The following AK8 variants were observed in gnomAD, a reference collection of about 807,000 sequenced individuals.
AK8 encodes ATP-AMP transphosphorylase 8.
A neutral mutation model predicts 54.6 loss-of-function variants in AK8; 44 were observed. That is an observed-to-expected ratio of 0.81 (90% CI 0.63 to 1.04). The LOEUF is 1.04. AK8 is among the 50% of genes least tolerant of loss of function. AK8 has a pLI of 0.00. For missense variants in AK8, 555 were observed against 613.6 expected (o/e 0.90, Z 1.01); for synonymous variants, 239 against 245.6 (o/e 0.97, Z 0.25).
intron 6 of AK8, among the ~76,000 whole-genome samples, 197 bp downstream of exon 6, chr9:132,828,448 G>A (rs936926829): frequency 2.0e-5 from 3 of 152,220 alleles, no homozygotes; most frequent in African/African-American, 7.2e-5. Flanking sequence ...GGCTGAAAAC[G>A]AAACCCCACT....
intron 10 of AK8, among the ~76,000 whole-genome samples, chr9:132,794,996 T>C (rs947650932): frequency 1.3e-5 from 2 of 152,134 alleles, no homozygotes; most frequent in African/African-American, 4.8e-5. Flanking sequence ...ATTCAGGAGA[T>C]GTGTGTGGGG....
At chr9:132,728,867 CT>C (rs1452404829) in intron 11 of AK8, among the ~76,000 whole-genome samples, 23 of 151,838 alleles carry the variant, frequency 1.5e-4, no homozygotes, top group African/African-American at 5.6e-4. Context: ...CCCCACCCCC[CT>C]TTTTAGGGCA....
At chr9:132,878,620 C>CG (rs1023538395), upstream of AK8, 7 of 1,064,014 alleles carry the variant, frequency 6.6e-6, no homozygotes, top group African/African-American at 8.4e-5. The surrounding 1 kb of genome is among the most constrained non-coding windows in gnomAD (Gnocchi z 4.7). Context: ...CAGTGCTCCC[C>CG]GGCCCGGCTC....
At chr9:132,769,666 C>T (rs537123066) in intron 11 of AK8, 1 of 152,284 alleles carries the variant, frequency 6.6e-6, no homozygotes, top group African/African-American at 2.4e-5. Flanking sequence ...GAAGAAACAT[C>T]GGCAGTGAGG....
intron 11 of AK8, among the ~76,000 whole-genome samples, chr9:132,734,727 C>A (rs982447888): frequency 6.6e-6 from 1 of 152,016 alleles, no homozygotes; most frequent in Admixed American, 6.6e-5. Context: ...CAGAGAAAGA[C>A]CCTGTCTAAA....
intron 11 of AK8, among the ~76,000 whole-genome samples, chr9:132,730,359 G>A (rs895662290): frequency 6.6e-6 from 1 of 151,992 alleles, no homozygotes; most frequent in African/African-American, 2.4e-5. Context: ...CAGGAAATGC[G>A]TGTGAAGGAA....
chr9:132,825,580 C>T (rs951303254), intron 8 of AK8, among the ~76,000 whole-genome samples: 5 of 152,100 alleles, frequency 3.3e-5, no homozygotes, highest in African/African-American at 9.7e-5. Context: ...CTTTAAGTAG[C>T]GACATTTTCT....
At chr9:132,758,245 C>G (rs984195954) in intron 11 of AK8, among the ~76,000 whole-genome samples, 9 of 152,132 alleles carry the variant, frequency 5.9e-5, no homozygotes, top group African/African-American at 2.2e-4. Context: ...ATACGCGGAG[C>G]CACACATACG....
At chr9:132,856,978 A>C (rs1843196441) in intron 4 of AK8, among the ~76,000 whole-genome samples, 1 of 152,182 alleles carries the variant, frequency 6.6e-6, no homozygotes. Context: ...GTAGACAGCC[A>C]AAGTCAAGAT....
chr9:132,875,219 AC>A lies in AK8; in HGVS notation c.85-21del, dbSNP rs1272866063. On this transcript the variant is annotated intron_variant, in intron 1 of 12. Transcript: ENST00000298545. Reference sequence around the variant, plus strand: ...CATGTTCTGTGGGTGCAGGGCAGACACCCAGGTGGTTAATACCTGCAAGGGC... The same window carrying A: ...CATGTTCTGTGGGTGCAGGGCAGACACCAGGTGGTTAATACCTGCAAGGGC... The A allele has an allele frequency of 6.2e-7, 1 of 1,613,388 alleles. No homozygotes were observed. The highest frequency in any genetic ancestry group is 1.7e-5 in the Admixed American group (1 of 59,926).
chr9:132,823,138 G>A lies in AK8; in HGVS notation c.889+67C>T, dbSNP rs1258096752. 12 of 1,491,344 alleles carry A rather than the reference G, an allele frequency of 8.0e-6. No homozygotes were observed. In the Admixed American group the frequency reaches 1.9e-4, roughly 24 times the overall value. 92.4% of individuals were successfully genotyped at this position (1,491,344 alleles called of 1,614,324 possible). Reference sequence around the variant, plus strand: ...CACCACCCCCCATAAAATGAGAGCTGGGGAGGAGGGGCAGGAGGCAGGGAA... The same window carrying A: ...CACCACCCCCCATAAAATGAGAGCTAGGGAGGAGGGGCAGGAGGCAGGGAA... On this transcript the variant is annotated intron_variant, in intron 9 of 12. Coordinates refer to ENST00000298545, the MANE Select transcript of AK8 (RefSeq NM_152572.3).
At chr9:132,776,623 A>G (rs1002184149) in intron 11 of AK8, among the ~76,000 whole-genome samples, 2 of 152,238 alleles carry the variant, frequency 1.3e-5, no homozygotes, top group African/African-American at 2.4e-5. Context: ...GCCACGCTGC[A>G]GGATGGAAGG....
intron 11 of AK8, among the ~76,000 whole-genome samples, chr9:132,747,603 T>A (rs930710708): frequency 1.3e-5 from 2 of 150,010 alleles, no homozygotes; most frequent in African/African-American, 4.9e-5. Flanking sequence ...GGCTAATTTT[T>A]TGTATTTTGT....
At chr9:132,843,114 T>C (rs1842607991) in intron 5 of AK8, among the ~76,000 whole-genome samples, 1 of 152,176 alleles carries the variant, frequency 6.6e-6, no homozygotes. Flanking sequence ...CTTAGTGATA[T>C]AGTTTGGATA....
At chr9:132,788,222 A>T (rs1160434922) in intron 11 of AK8, among the ~76,000 whole-genome samples, 1 of 152,240 alleles carries the variant, frequency 6.6e-6, no homozygotes. Context: ...AAACAAAAAA[A>T]AGCTAACGCC....
At chr9:132,749,847 C>T (rs533741348) in intron 11 of AK8, among the ~76,000 whole-genome samples, 9 of 151,994 alleles carry the variant, frequency 5.9e-5, no homozygotes, top group African/African-American at 1.2e-4. Flanking sequence ...CCACCAGAAC[C>T]GGCGCAGAGA....
intron 11 of AK8, among the ~76,000 whole-genome samples, chr9:132,764,439 A>G (rs1015024938): frequency 1.3e-5 from 2 of 152,244 alleles, no homozygotes; most frequent in African/African-American, 4.8e-5. Context: ...TTAACAAGAA[A>G]AAAACAGAAA....
intron 9 of AK8, among the ~76,000 whole-genome samples, chr9:132,818,433 G>A (rs1201365022): frequency 6.6e-6 from 1 of 152,138 alleles, no homozygotes; most frequent in Non-Finnish European, 1.5e-5. Flanking sequence ...CTGTAAAGAA[G>A]TAAGGTAAAT....
chr9:132,756,415 C>G (rs939546905), intron 11 of AK8, among the ~76,000 whole-genome samples: 34 of 152,212 alleles, frequency 2.2e-4, no homozygotes, highest in African/African-American at 6.5e-4. Flanking sequence ...AGGCGGGGAG[C>G]CAGAGGGAGG....
Sources: gnomAD v4.1 joint callset for allele counts (sites outside exome capture counted in the v4.1 genomes callset) on GRCh38, gnomAD v4.1.1 for gene constraint, Gnocchi (gnomAD v3.1) non-coding constraint, MANE v1.5 for transcripts, NCBI Gene and HGNC (gene_info 2026-07-23, HGNC 2026-07-21) for gene names.